FGF13: variants seen among roughly 807,000 people sequenced by gnomAD.
FGF13 encodes the protein fibroblast growth factor 13, also known as fibroblast growth factor homologous factor 2.
Under a neutral mutation model 19.5 loss-of-function variants are expected in FGF13, and 2 were observed. The observed-to-expected ratio is 0.10, with a 90% CI of 0.04 to 0.32. The LOEUF (loss-of-function observed/expected upper bound fraction) is 0.32, where lower values mean the gene tolerates loss of function less well. Ranked by LOEUF, FGF13 falls within the 10% of genes least tolerant of loss-of-function variation. FGF13 has a pLI of 1.00. For synonymous variants in FGF13, 72 were observed against 76.9 expected, an observed-to-expected ratio of 0.94 and a Z score of 0.33; for missense variants, 113 against 192.7, an observed-to-expected ratio of 0.59 and a Z score of 2.45.
intron 3 of FGF13, among the ~76,000 whole-genome samples, chrX:138,648,637 A>T (rs1253202550): frequency 4.5e-5 from 5 of 111,484 alleles, no homozygotes; most frequent in African/African-American, 1.6e-4. Context: ...TATTTTTTTT[A>T]AATCCTGAAA....
chrX:138,676,682 A>G (rs978542833), intron 3 of FGF13, among the ~76,000 whole-genome samples: 4 of 111,508 alleles, frequency 3.6e-5, no homozygotes, highest in African/African-American at 1.3e-4. Context: ...TTCGATTCTC[A>G]TAAGGAATAC....
At chrX:139,012,747 G>T (rs373775482) in intron 1 of FGF13, among the ~76,000 whole-genome samples, 1 of 111,854 alleles carries the variant, frequency 8.9e-6, no homozygotes. Context: ...AAAGATTTTA[G>T]AATATAACAT....
intron 1 of FGF13, among the ~76,000 whole-genome samples, chrX:139,072,886 C>T (rs1049663814): frequency 9.0e-6 from 1 of 111,634 alleles, no homozygotes; most frequent in African/African-American, 3.3e-5. Flanking sequence ...CTTCCATGTC[C>T]TTGAACCTCT....
intron 3 of FGF13, among the ~76,000 whole-genome samples, chrX:138,825,563 T>G (rs766212855): frequency 6.3e-5 from 7 of 111,209 alleles, no homozygotes; most frequent in Non-Finnish European, 1.3e-4. Flanking sequence ...ACTGCTATAG[T>G]TAAGAACTTG....
downstream of FGF13, among the ~76,000 whole-genome samples, chrX:138,853,401 G>A (rs375378229): frequency 2.7e-5 from 3 of 111,125 alleles, no homozygotes; most frequent in South Asian, 3.8e-4. Flanking sequence ...ATAACCCAAC[G>A]CATTATCAGA....
At chrX:139,015,553 TTGAAG>T (rs2092149610) in intron 1 of FGF13, among the ~76,000 whole-genome samples, 1 of 110,937 alleles carries the variant, frequency 9.0e-6, no homozygotes, top group Admixed American at 9.6e-5. Context: ...ATGCAAGAAA[TTGAAG>T]TGGACACCAA....
intron 3 of FGF13, among the ~76,000 whole-genome samples, chrX:138,673,470 A>G (rs1168120157): frequency 2.7e-5 from 3 of 111,144 alleles, no homozygotes; most frequent in Non-Finnish European, 3.8e-5. Context: ...TGCCAAGCAC[A>G]TGTGGGGGCA....
intron 1 of FGF13, among the ~76,000 whole-genome samples, chrX:138,958,895 A>G (rs1401948687): frequency 9.0e-6 from 1 of 111,148 alleles, no homozygotes. Context: ...TATTGCGACT[A>G]TTTGATTCTT....
At chrX:138,955,565 G>A (rs1299369725) in intron 1 of FGF13, among the ~76,000 whole-genome samples, 2 of 112,177 alleles carry the variant, frequency 1.8e-5, no homozygotes, top group Non-Finnish European at 3.8e-5. Context: ...AAGTGGCAGA[G>A]CCATGATTCA....
intron 1 of FGF13, among the ~76,000 whole-genome samples, chrX:139,166,118 G>A (rs976093400): frequency 1.6e-4 from 18 of 111,345 alleles, no homozygotes; most frequent in African/African-American, 5.6e-4. Context: ...GTAGGGGAAG[G>A]TCACAGAATG....
chrX:138,776,042 G>A (rs759222636), intron 3 of FGF13, among the ~76,000 whole-genome samples: 1 of 112,472 alleles, frequency 8.9e-6, no homozygotes, highest in Non-Finnish European at 1.9e-5. Context: ...GGCTGGAGAA[G>A]CTCAGTGGGC....
chrX:138,848,603 C>G (rs994743055), intron 3 of FGF13, among the ~76,000 whole-genome samples: 4 of 111,753 alleles, frequency 3.6e-5, no homozygotes, highest in African/African-American at 1.3e-4. Flanking sequence ...CATATAAAAA[C>G]TAGTAACTAA....
intron 3 of FGF13, among the ~76,000 whole-genome samples, chrX:138,772,040 A>G (rs191518332): frequency 1.2e-5 from 1 of 85,321 alleles, no homozygotes; most frequent in African/African-American, 3.9e-5. Context: ...ATATATATAT[A>G]TATATATATA....
intron 1 of FGF13, among the ~76,000 whole-genome samples, chrX:138,734,665 C>T (rs2090259208): frequency 1.8e-5 from 2 of 111,714 alleles, no homozygotes; most frequent in African/African-American, 3.3e-5. Context: ...TATACCTCCT[C>T]GATGAGGCTA....
intron 3 of FGF13, among the ~76,000 whole-genome samples, chrX:138,804,508 C>T (rs2090851850): frequency 8.9e-6 from 1 of 111,891 alleles, no homozygotes; most frequent in Non-Finnish European, 1.9e-5. Context: ...AACCATAATT[C>T]TTCAGCATGA....
intron 3 of FGF13, among the ~76,000 whole-genome samples, chrX:138,827,045 G>A (rs907914580): frequency 8.9e-6 from 1 of 112,156 alleles, no homozygotes; most frequent in East Asian, 2.8e-4. Flanking sequence ...CTGTTCCATT[G>A]GCTACATTTT....
intron 1 of FGF13, among the ~76,000 whole-genome samples, chrX:138,883,755 CTG>C (rs1250264422): frequency 9.0e-6 from 1 of 111,722 alleles, no homozygotes; most frequent in Non-Finnish European, 1.9e-5. Flanking sequence ...CAGAACCACT[CTG>C]TGGGAATCAC....
At chrX:138,999,086 C>T (rs979606139) in intron 1 of FGF13, among the ~76,000 whole-genome samples, 1 of 112,043 alleles carries the variant, frequency 8.9e-6, no homozygotes, top group Admixed American at 9.5e-5. Flanking sequence ...TGAATGACTA[C>T]TGGGTAAATA....
intron 2 of FGF13, among the ~76,000 whole-genome samples, chrX:138,859,960 T>C (rs914951710): frequency 1.8e-5 from 2 of 111,332 alleles, no homozygotes; most frequent in African/African-American, 6.5e-5. Context: ...TCGGAAATCG[T>C]GAACATCTGG....
Sources: allele counts gnomAD v4.1 joint callset (sites outside exome capture counted in the v4.1 genomes callset), GRCh38; gene constraint gnomAD v4.1.1; transcripts MANE v1.5; gene names NCBI Gene and HGNC (gene_info 2026-07-23, HGNC 2026-07-21).